MTCH2: variants seen among roughly 807,000 people sequenced by gnomAD.
MTCH2 encodes mitochondrial carrier 2.
Under a neutral mutation model 50.6 loss-of-function variants are expected in MTCH2, and 25 were observed. That is an observed-to-expected ratio of 0.49 (90% CI 0.36 to 0.69). MTCH2 has a LOEUF of 0.69. Among genes scored for constraint, MTCH2 ranks in the 30% least tolerant of loss-of-function variants. The probability of loss-of-function intolerance (pLI) is 0.00; values close to 1 mark genes in which losing one functional copy is unlikely to be tolerated. For synonymous variants in MTCH2, 106 were observed against 132.0 expected (o/e 0.80, Z 1.35); for missense variants, 273 against 384.4 (o/e 0.71, Z 2.42).
intron 1 of MTCH2, among the ~76,000 whole-genome samples, chr11:47,640,480 G>A (rs1007262462): frequency 2.0e-5 from 3 of 152,012 alleles, no homozygotes; most frequent in African/African-American, 7.2e-5. Flanking sequence ...GCAGTGGCAC[G>A]ATCTAGGTCA....
At position 47,623,340 on chromosome 11, in the gene MTCH2, C is replaced by G. The variant is rs527397361; in HGVS notation, c.750-564G>C. Among the ~76,000 whole-genome samples the G allele has an allele frequency of 2.8e-5, 4 of 142,722 alleles. No individual in the cohort carries two copies. In the South Asian group the frequency reaches 8.8e-4, roughly 31 times the overall value. 93.6% of individuals were successfully genotyped at this position (142,722 alleles called of 152,430 possible). ...TGAGCCAAGATTGCACTACTGCACT[C>G]CAGCCTGGGTGACAGAGTAAGAACC... is the stretch of plus-strand genomic sequence containing the variant. On this transcript the variant is annotated intron_variant, in intron 11 of 12. Coordinates refer to ENST00000302503, the MANE Select transcript of MTCH2 (RefSeq NM_014342.4).
downstream of MTCH2, among the ~76,000 whole-genome samples, chr11:47,613,157 C>T (rs2097286518): frequency 6.6e-6 from 1 of 151,898 alleles, no homozygotes; most frequent in African/African-American, 2.4e-5. Context: ...ATCCTCCCAC[C>T]TTAGCCTCCC....
At chr11:47,608,542 G>C in the MTCH2 span, among the ~76,000 whole-genome samples, 339 of 152,298 alleles carry the variant, frequency 2.2e-3, 2 homozygotes, top group Non-Finnish European at 3.4e-3. Flanking sequence ...CCTGCACAAG[G>C]CTTCCGTGGA....
chr11:47,642,244 G>A, intron 1 of MTCH2, 135 bp downstream of exon 1: 1 of 738,752 alleles, frequency 1.4e-6, no homozygotes, highest in East Asian at 3.3e-5. Context: ...CCTGCGGGGA[G>A]GTAAAGGGCA....
downstream of MTCH2, among the ~76,000 whole-genome samples, chr11:47,615,292 A>C (rs148348836): frequency 1.7e-4 from 26 of 152,154 alleles, 1 homozygote; most frequent in East Asian, 5.0e-3. Flanking sequence ...CTAAATATAT[A>C]TTTTTCCCCC....
intron 9 of MTCH2, among the ~76,000 whole-genome samples, chr11:47,627,812 CCATAAAA>C (rs1399460097): frequency 6.6e-6 from 1 of 151,806 alleles, no homozygotes; most frequent in East Asian, 1.9e-4. Context: ...GAGGACAAAA[CCATAAAA>C]CACTGATTAT....
At position 47,624,000 on chromosome 11, in the gene MTCH2, C is replaced by G. The variant is rs558278803; in HGVS notation, c.750-1224G>C. ...CCAGGAGGTGGAGGATGCAGTGAAC[C>G]AAGATCGCGCCACCACAATCCAGCC... On this transcript the variant is annotated intron_variant, in intron 11 of 12. Coordinates refer to ENST00000302503, the MANE Select transcript of MTCH2 (RefSeq NM_014342.4). Among the ~76,000 whole-genome samples the G allele has an allele frequency of 5.3e-5, 8 of 152,222 alleles. No individual in the cohort carries two copies. The East Asian group carries it at 9.6e-4, about 18-fold the overall frequency.
At chr11:47,622,654 T>C in intron 12 of MTCH2, 47 bp downstream of exon 12, 2 of 1,408,642 alleles carry the variant, frequency 1.4e-6, no homozygotes, top group Non-Finnish European at 1.9e-6. Context: ...AACAAATAAA[T>C]AAAAATAAAA....
Position 47,642,451 on chromosome 11 carries a change from G to A in MTCH2, c.15C>T (p.Ala5=), listed in dbSNP as rs1444254485. 1 of 1,594,780 alleles carries A rather than the reference G, an allele frequency of 6.3e-7. No individual in the cohort carries two copies. The highest frequency in any genetic ancestry group is 1.7e-4 in the Middle Eastern group (1 of 6,042). Residue 5 remains alanine (A), a synonymous_variant, in exon 1 of 13, where the codon GCC becomes GCT. Transcript: ENST00000302503. The part of the protein sequence containing the change: MADA[A]SQVLLGSGLT... ...GACCGGAGCCCAGGAGCACCTGACT[G>A]GCCGCGTCCGCCATGATGGCACCCG...
intron 4 of MTCH2, among the ~76,000 whole-genome samples, chr11:47,634,954 G>C (rs1187039596): frequency 1.3e-5 from 2 of 151,916 alleles, no homozygotes; most frequent in Non-Finnish European, 2.9e-5. Context: ...TGTATTTTTA[G>C]TAGAGACGGG....
chr11:47,607,328 C>T, the MTCH2 span, among the ~76,000 whole-genome samples: 2 of 152,056 alleles, frequency 1.3e-5, no homozygotes, highest in African/African-American at 4.8e-5. Context: ...TTGTTTTTTT[C>T]CCTTTCTATT....
At chr11:47,623,511 G>GA (rs1811159984) in intron 11 of MTCH2, among the ~76,000 whole-genome samples, 1 of 151,410 alleles carries the variant, frequency 6.6e-6, no homozygotes, top group Admixed American at 6.6e-5. Flanking sequence ...ACTTCATCTT[G>GA]AAAAAACTGT....
chr11:47,611,052 T>C, the MTCH2 span, among the ~76,000 whole-genome samples: 3 of 152,330 alleles, frequency 2.0e-5, no homozygotes, highest in Admixed American at 6.5e-5. Context: ...GGCCTCACTG[T>C]TGTACATATG....
At chr11:47,642,288 G>T (rs1178830219) in intron 1 of MTCH2, 91 bp downstream of exon 1, 1 of 1,105,576 alleles carries the variant, frequency 9.0e-7, no homozygotes, top group Non-Finnish European at 1.3e-6. Flanking sequence ...GAGAATGAAA[G>T]GCCCGCAAGG....
intron 10 of MTCH2, 90 bp downstream of exon 10, chr11:47,626,990 A>G: frequency 1.0e-6 from 1 of 956,156 alleles, no homozygotes; most frequent in Non-Finnish European, 1.6e-6. Context: ...TGGTTATCTT[A>G]AAGCAGTGAT....
At chr11:47,611,433 G>A in the MTCH2 span, among the ~76,000 whole-genome samples, 1 of 152,230 alleles carries the variant, frequency 6.6e-6, no homozygotes, top group Non-Finnish European at 1.5e-5. Flanking sequence ...TAGGTGCAGT[G>A]CTGGCTTGTC....
At chr11:47,622,515 C>T (rs938486774) in intron 12 of MTCH2, among the ~76,000 whole-genome samples, 186 bp downstream of exon 12, 2 of 152,166 alleles carry the variant, frequency 1.3e-5, no homozygotes, top group Non-Finnish European at 2.9e-5. Flanking sequence ...CTAAACATCA[C>T]ATTTTACTAT....
At position 47,641,558 on chromosome 11, in the gene MTCH2, T is replaced by C. The variant is rs536871420; in HGVS notation, c.87+821A>G. On this transcript the variant is annotated intron_variant, in intron 1 of 12. Transcript: ENST00000302503. ...CATAAAAAAAAGAATGACCTGCCCA[T>C]TACAGGGATATAGCAAAGGAACTGG... is the stretch of plus-strand genomic sequence containing the variant. 6.0e-4 allele frequency among the ~76,000 whole-genome samples: 92 copies of C among 152,296 alleles called. 1 individual carries two copies. The highest frequency in any genetic ancestry group is 2.0e-3 in the African/African-American group (83 of 41,558).
chr11:47,604,546 T>C, the MTCH2 span, among the ~76,000 whole-genome samples: 1 of 152,230 alleles, frequency 6.6e-6, no homozygotes, highest in Non-Finnish European at 1.5e-5. Context: ...ATCTTATTCA[T>C]TTTAGCATGG....
Sources: allele counts gnomAD v4.1 joint callset (sites outside exome capture counted in the v4.1 genomes callset), GRCh38; gene constraint gnomAD v4.1.1; transcripts MANE v1.5; gene names NCBI Gene and HGNC (gene_info 2026-07-23, HGNC 2026-07-21).